SULF2: variants seen among roughly 807,000 people sequenced by gnomAD.
SULF2 encodes sulfatase 2, also known as extracellular sulfatase Sulf-2.
SULF2 carries 52 observed loss-of-function variants against 107.7 expected under a neutral mutation model. That is an observed-to-expected ratio of 0.48 (90% CI 0.39 to 0.61). The LOEUF (loss-of-function observed/expected upper bound fraction) is 0.61. Among genes scored for constraint, SULF2 ranks in the 20% least tolerant of loss-of-function variants. The pLI, the probability that SULF2 is intolerant of heterozygous loss-of-function variation, is 0.00. For missense variants in SULF2, 993 were observed against 1,177.3 expected (o/e 0.84, Z 2.29); for synonymous variants, 460 against 464.3 (o/e 0.99, Z 0.12).
At chr20:47,677,643 GT>G (rs1802436787) in intron 8 of SULF2, among the ~76,000 whole-genome samples, 1 of 152,150 alleles carries the variant, frequency 6.6e-6, no homozygotes, top group Non-Finnish European at 1.5e-5. Context: ...TTCTTCTTTG[GT>G]GCTTTGCAGT....
intron 3 of SULF2, 105 bp downstream of exon 3, chr20:47,736,598 G>GCTATCCAGAAT (rs1164775749): frequency 5.5e-6 from 8 of 1,441,834 alleles, no homozygotes; most frequent in Non-Finnish European, 7.6e-6. Flanking sequence ...TGCTCTAGGG[G>GCTATCCAGAAT]CTATCCAGAA....
intron 1 of SULF2, among the ~76,000 whole-genome samples, chr20:47,765,378 A>C (rs868578398): frequency 1.7e-3 from 255 of 150,962 alleles, no homozygotes; most frequent in African/African-American, 5.3e-3. Flanking sequence ...AAACAAAAAA[A>C]AAAAAACAGG....
rs1427967944 is a variant in SULF2 at position 47,760,745 on chromosome 20, A to C, written c.-100-3282T>G. Among the ~76,000 whole-genome samples, 3 of 152,156 alleles carry C rather than the reference A, an allele frequency of 2.0e-5. No homozygotes were observed. In the East Asian group the frequency reaches 5.8e-4, roughly 29 times the overall value. ...CTTCCCAGGTGGCTCTGAGAGTCACAATTTCAGGGGAGCTGGGGACACACT... is the reference window on the plus strand; with the variant it reads ...CTTCCCAGGTGGCTCTGAGAGTCACCATTTCAGGGGAGCTGGGGACACACT... On this transcript the variant is annotated intron_variant, in intron 1 of 20. Transcript: ENST00000688720.
chr20:47,676,368 C>T (rs11906661), intron 10 of SULF2, 126 bp downstream of exon 10: 292,989 of 1,031,308 alleles, frequency 0.28, 42,749 homozygotes, highest in Middle Eastern at 0.4. Flanking sequence ...GGGCACCACA[C>T]GGCAGCAAAG....
In SULF2 at chr20:47,702,530, C is replaced by T. The variant is rs145623835; in HGVS notation, c.556G>A (p.Asp186Asn). 2.2e-5 allele frequency: 35 copies of T among 1,612,130 alleles called. No individual in the cohort carries two copies. Among genetic ancestry groups the T allele is most frequent in the African/African-American group, 2.0e-4 (15 of 74,960 alleles). Residue 186 changes from aspartate to asparagine, a missense_variant, in exon 4 of 21, where the codon GAC becomes AAC. By Grantham distance (23) the Asp-to-Asn change is conservative. Coordinates refer to ENST00000688720, the MANE Select transcript of SULF2 (RefSeq NM_001387048.1). ...RNGVKEKHGS[D>N]YSKDYLTDLI... is the part of the protein sequence containing the mutation. Reference sequence around the variant, plus strand: ...AGGTTGCAGCTTACCTTGGAGTAGTCGGAGCCGTGCTTCTCTTTCACCCCG... The same window carrying T: ...AGGTTGCAGCTTACCTTGGAGTAGTTGGAGCCGTGCTTCTCTTTCACCCCG...
intron 7 of SULF2, among the ~76,000 whole-genome samples, chr20:47,681,549 T>C (rs1322344159): frequency 6.6e-6 from 1 of 152,186 alleles, no homozygotes; most frequent in Non-Finnish European, 1.5e-5. Context: ...GAATAGAGAC[T>C]GCCTGGTTTC....
intron 3 of SULF2, among the ~76,000 whole-genome samples, chr20:47,710,723 T>C (rs1273466992): frequency 1.3e-5 from 2 of 152,194 alleles, no homozygotes; most frequent in Non-Finnish European, 2.9e-5. Context: ...TCTGGTTTAA[T>C]GGAGTCCCCC....
chr20:47,745,392 A>AGG (rs2089986061), intron 2 of SULF2, among the ~76,000 whole-genome samples: 16 of 15,768 alleles, frequency 1.0e-3, no homozygotes, highest in African/African-American at 7.9e-3. Context: ...GAAAAAAAAA[A>AGG]AAAAAAAAAA....
intron 4 of SULF2, among the ~76,000 whole-genome samples, chr20:47,692,799 T>C (rs2088239852): frequency 6.6e-6 from 1 of 152,214 alleles, no homozygotes; most frequent in African/African-American, 2.4e-5. Context: ...TATGCAATGC[T>C]GTGCAGACAT....
rs754182077 is a variant in SULF2 at position 47,678,643 on chromosome 20, G to C, written c.1193+33C>G. On this transcript the variant is annotated intron_variant, in intron 8 of 20. Transcript: ENST00000688720. This position sits in a 1 kb window ranked among gnomAD's most constrained non-coding sequence, Gnocchi z 4.5. ...TGAGTTCCCGCAGGTCAATGTCCCG[G>C]CCCCCTCAACACCTGCCCTGCTCCG... is the stretch of plus-strand genomic sequence containing the variant. The C allele has an allele frequency of 1.9e-6, 3 of 1,610,802 alleles. No homozygotes were observed. The Admixed American group carries it at 5.0e-5, about 27-fold the overall frequency.
chr20:47,783,925 G>A (rs1206987331), intron 1 of SULF2, among the ~76,000 whole-genome samples: 2 of 152,168 alleles, frequency 1.3e-5, no homozygotes, highest in Non-Finnish European at 2.9e-5. Flanking sequence ...TACAGGGAAG[G>A]GGCCCCCTTC....
intron 3 of SULF2, among the ~76,000 whole-genome samples, chr20:47,713,370 A>G (rs1204311952): frequency 2.0e-5 from 3 of 152,156 alleles, no homozygotes; most frequent in Non-Finnish European, 4.4e-5. Context: ...CCAGCCCCAA[A>G]GTGTCACCAG....
Position 47,752,622 on chromosome 20 carries a change from G to A in SULF2, c.175+4567C>T, listed in dbSNP as rs1360858869. On this transcript the variant is annotated intron_variant, in intron 2 of 20. Transcript: ENST00000688720. ...CAAAATTAGCTGAGTGTGATGGTGCGCACCTGTAGTCCCAGCTACTTCGGG... is the reference window on the plus strand; with the variant it reads ...CAAAATTAGCTGAGTGTGATGGTGCACACCTGTAGTCCCAGCTACTTCGGG... Among the ~76,000 whole-genome samples the A allele has an allele frequency of 4.6e-5, 7 of 151,306 alleles. No homozygotes were observed. In the East Asian group the frequency reaches 5.8e-4, roughly 13 times the overall value.
At chr20:47,745,727 A>G (rs1489296745) in intron 2 of SULF2, among the ~76,000 whole-genome samples, 2 of 151,564 alleles carry the variant, frequency 1.3e-5, no homozygotes, top group Non-Finnish European at 2.9e-5. Context: ...ATGGGGTTTC[A>G]CCATGTTAGC....
At chr20:47,698,758 G>A (rs1222179648) in intron 4 of SULF2, among the ~76,000 whole-genome samples, 1 of 152,156 alleles carries the variant, frequency 6.6e-6, no homozygotes, top group Non-Finnish European at 1.5e-5. Flanking sequence ...GTGGCTGGGT[G>A]CCATGGCTCA....
At chr20:47,714,219 C>T (rs755339832) in intron 3 of SULF2, among the ~76,000 whole-genome samples, 3 of 152,188 alleles carry the variant, frequency 2.0e-5, no homozygotes, top group Non-Finnish European at 4.4e-5. Context: ...TGTCCGCGTG[C>T]CTCTCACACA....
At chr20:47,729,152 G>C (rs949983538) in intron 3 of SULF2, among the ~76,000 whole-genome samples, 2 of 152,080 alleles carry the variant, frequency 1.3e-5, no homozygotes, top group Non-Finnish European at 2.9e-5. Flanking sequence ...TTTGAGAAAA[G>C]GAAAGAAGTG....
intron 3 of SULF2, among the ~76,000 whole-genome samples, chr20:47,704,198 G>A (rs1419017848): frequency 2.0e-5 from 3 of 152,150 alleles, no homozygotes; most frequent in Non-Finnish European, 4.4e-5. Context: ...ATCAGGAAGG[G>A]GATGTGCCTA....
At chr20:47,689,246 C>T (rs983831923) in intron 5 of SULF2, among the ~76,000 whole-genome samples, 1 of 152,216 alleles carries the variant, frequency 6.6e-6, no homozygotes, top group African/African-American at 2.4e-5. Flanking sequence ...GGCCTTCACA[C>T]CCCTGCGTAG....
Sources: allele counts gnomAD v4.1 joint callset (sites outside exome capture counted in the v4.1 genomes callset), GRCh38; gene constraint gnomAD v4.1.1; non-coding constraint Gnocchi (gnomAD v3.1); transcripts MANE v1.5; gene names NCBI Gene and HGNC (gene_info 2026-07-23, HGNC 2026-07-21).